The following INTS14 variants were observed in gnomAD, a reference collection of about 807,000 sequenced individuals.
INTS14 encodes integrator complex subunit 14, also known as UPF0464 protein C15orf44.
Under a neutral mutation model 56.9 loss-of-function variants are expected in INTS14, and 27 were observed. The observed-to-expected ratio is 0.47, with a 90% CI of 0.35 to 0.65. INTS14 has a LOEUF of 0.65. Among genes scored for constraint, INTS14 ranks in the 30% least tolerant of loss-of-function variants. INTS14 has a pLI of 0.00. For missense variants in INTS14, 517 were observed against 632.2 expected, an observed-to-expected ratio of 0.82 and a Z score of 1.95; for synonymous variants, 207 against 236.2, an observed-to-expected ratio of 0.88 and a Z score of 1.13.
intron 9 of INTS14, among the ~76,000 whole-genome samples, chr15:65,590,334 C>T (rs1397271347): frequency 6.6e-6 from 1 of 152,214 alleles, no homozygotes; most frequent in African/African-American, 2.4e-5. Flanking sequence ...ACTGGTATCC[C>T]CCTGTTCTCA....
chr15:65,590,658 C>CTCAT (rs901092506), intron 9 of INTS14, among the ~76,000 whole-genome samples: 18 of 152,212 alleles, frequency 1.2e-4, no homozygotes, highest in African/African-American at 4.3e-4. Context: ...CTAGGCAGAG[C>CTCAT]TCATCATCAT....
In INTS14 at chr15:65,579,241, C is replaced by T. The variant is rs1415887878; in HGVS notation, c.*167G>A. The T allele has an allele frequency of 9.5e-6, 9 of 951,746 alleles. No individual in the cohort carries two copies. The highest frequency in any genetic ancestry group is 6.1e-6 in the Non-Finnish European group (4 of 657,170). The allele number at this position is 951,746 out of a possible 1,614,324, so 59.0% of individuals were successfully genotyped here. A position where few individuals can be genotyped will look rare whatever the true frequency, so the allele number is the denominator to read the frequency against. On this transcript the variant is annotated 3_prime_UTR_variant, in exon 12 of 12. Transcript: ENST00000313182. ...AAGCCCAACCAGCCAACCACCTTCA[C>T]ATCCTTCTCATACTAGTAGAGTCAT... is the stretch of plus-strand genomic sequence containing the variant.
In INTS14 at chr15:65,599,764, A is replaced by G; in HGVS notation, c.486+10T>C. On this transcript the variant is annotated intron_variant, in intron 4 of 11. Transcript: ENST00000313182. ...CCTAATCAAACTAAAAACTTAGCAA[A>G]AGGTATTACCTCCTCCAAATTCGCC... 6.2e-7 allele frequency: 1 copy of G among 1,610,878 alleles called. No individual in the cohort carries two copies. Among genetic ancestry groups the G allele is most frequent in the Non-Finnish European group, 8.5e-7 (1 of 1,178,408 alleles).
Position 65,607,351 on chromosome 15 carries a change from G to A in INTS14, c.30C>T (p.Ser10=), listed in dbSNP as rs1404855044. ...TAGACACAGGTCGGGTCATGGAAAGGGATACATCCATTACCACCACTGTCG... is the reference window on the plus strand; with the variant it reads ...TAGACACAGGTCGGGTCATGGAAAGAGATACATCCATTACCACCACTGTCG... MPTVVVMDV[S]LSMTRPVSIE... is the part of the protein sequence containing the mutation. Residue 10 remains serine, a synonymous_variant, in exon 2 of 12, where the codon TCC becomes TCT. Transcript: ENST00000313182. 1.9e-6 allele frequency: 3 copies of A among 1,613,978 alleles called. No homozygotes were observed. The African/African-American group carries it at 4.0e-5, about 22-fold the overall frequency.
rs780992994 is a variant in INTS14 at position 65,591,657 on chromosome 15, T to A, written c.1061A>T (p.Glu354Val). ...KKSNLMMSLF[E>V]PGPEPLPWLG... is the part of the protein sequence containing the mutation. Reference sequence around the variant, plus strand: ...CCATGGGAGAGGTTCTGGGCCAGGCTCAAAGAGAGACATCATGAGGTTTGA... The same window carrying A: ...CCATGGGAGAGGTTCTGGGCCAGGCACAAAGAGAGACATCATGAGGTTTGA... The change falls in exon 9 of 12, where the codon GAG becomes GTG. Residue 354 changes from glutamate to valine, a missense_variant. Coordinates refer to ENST00000313182, the MANE Select transcript of INTS14 (RefSeq NM_001394796.1). The A allele has an allele frequency of 1.2e-5, 19 of 1,614,184 alleles. 1 individual carries two copies. The highest frequency in any genetic ancestry group is 1.5e-5 in the Non-Finnish European group (18 of 1,180,024).
At chr15:65,607,047 T>C in intron 2 of INTS14, 112 bp downstream of exon 2, 2 of 1,312,044 alleles carry the variant, frequency 1.5e-6, no homozygotes, top group Non-Finnish European at 1.0e-6. Flanking sequence ...TATTAAGTAC[T>C]CATAGACTTA....
At position 65,579,366 on chromosome 15, in the gene INTS14, T is replaced by G; in HGVS notation, c.*42A>C. 6.3e-7 allele frequency: 1 copy of G among 1,593,014 alleles called. No individual in the cohort carries two copies. Among genetic ancestry groups the G allele is most frequent in the Non-Finnish European group, 8.6e-7 (1 of 1,165,402 alleles). On this transcript the variant is annotated 3_prime_UTR_variant, in exon 12 of 12. Transcript: ENST00000313182. ...GGAAAGGTTTTTACCTAAAGCATTT[T>G]CAGTTGAAATGAAAAAAGAAGGAAA...
intron 2 of INTS14, among the ~76,000 whole-genome samples, chr15:65,606,933 A>C (rs2073675475): frequency 6.6e-6 from 1 of 152,194 alleles, no homozygotes; most frequent in Admixed American, 6.5e-5. Flanking sequence ...GAAAACCAAG[A>C]GAGGAAAATA....
intron 10 of INTS14, among the ~76,000 whole-genome samples, 170 bp from the exon 11 acceptor site, chr15:65,582,189 C>T (rs568993607): frequency 6.6e-6 from 1 of 152,260 alleles, no homozygotes; most frequent in African/African-American, 2.4e-5. Context: ...GTAAAGCACT[C>T]CCTCCTTCAA....
At chr15:65,608,269 A>T (rs1400950153) in intron 1 of INTS14, among the ~76,000 whole-genome samples, 2 of 150,268 alleles carry the variant, frequency 1.3e-5, no homozygotes, top group Non-Finnish European at 3.0e-5. Context: ...AGGCACGAAG[A>T]TCCCTTGAAC....
chr15:65,589,528 A>G (rs1272429288), intron 9 of INTS14, among the ~76,000 whole-genome samples: 1 of 152,178 alleles, frequency 6.6e-6, no homozygotes, highest in African/African-American at 2.4e-5. Flanking sequence ...AATATACACT[A>G]AATTATTGTG....
At chr15:65,599,354 C>G (rs1297270020) in intron 4 of INTS14, 1 of 190,068 alleles carries the variant, frequency 5.3e-6, no homozygotes, top group Non-Finnish European at 1.1e-5. Context: ...GTTAAATCAC[C>G]TTCCCAAATG....
At chr15:65,590,159 A>T (rs2072971615) in intron 9 of INTS14, among the ~76,000 whole-genome samples, 1 of 152,124 alleles carries the variant, frequency 6.6e-6, no homozygotes, top group Non-Finnish European at 1.5e-5. Context: ...TCTCATCTTC[A>T]CATTTCCAGG....
At chr15:65,596,080 G>A (rs1317606244) in intron 6 of INTS14, among the ~76,000 whole-genome samples, 1 of 152,134 alleles carries the variant, frequency 6.6e-6, no homozygotes, top group Non-Finnish European at 1.5e-5. Context: ...ATAAGGTTAG[G>A]ACCCCAGCCA....
chr15:65,606,846 G>A (rs549202044), intron 2 of INTS14, among the ~76,000 whole-genome samples: 4 of 152,108 alleles, frequency 2.6e-5, no homozygotes, highest in Non-Finnish European at 5.9e-5. Context: ...AAAATTAAGT[G>A]TTGAGCCTAA....
At chr15:65,608,927 G>A (rs895101106) in intron 1 of INTS14, among the ~76,000 whole-genome samples, 1 of 152,030 alleles carries the variant, frequency 6.6e-6, no homozygotes, top group Non-Finnish European at 1.5e-5. Context: ...GGAGTCTTGC[G>A]ACATCTGTCG....
chr15:65,599,588 A>C (rs1189212454), intron 4 of INTS14, 186 bp downstream of exon 4: 1 of 608,692 alleles, frequency 1.6e-6, no homozygotes, highest in Non-Finnish European at 2.6e-6. Context: ...CAGATGAGGC[A>C]ACACTCTGAA....
intron 9 of INTS14, among the ~76,000 whole-genome samples, chr15:65,589,533 A>G (rs529560876): frequency 1.3e-5 from 2 of 152,312 alleles, no homozygotes; most frequent in Middle Eastern, 3.4e-3. Flanking sequence ...ACACTAAATT[A>G]TTGTGAGCAA....
chr15:65,605,787 T>C (rs1706130961), intron 2 of INTS14, among the ~76,000 whole-genome samples: 1 of 152,196 alleles, frequency 6.6e-6, no homozygotes, highest in Non-Finnish European at 1.5e-5. Flanking sequence ...TCACTCCTTA[T>C]ATAGCAATTC....
Sources: allele counts gnomAD v4.1 joint callset (sites outside exome capture counted in the v4.1 genomes callset), GRCh38; gene constraint gnomAD v4.1.1; transcripts MANE v1.5; gene names NCBI Gene and HGNC (gene_info 2026-07-23, HGNC 2026-07-21).